Variants in PLEKHA6 observed in about 807,000 individuals in gnomAD.
The protein encoded by PLEKHA6 is pleckstrin homology domain-containing family A member 6.
Under a neutral mutation model 116.7 loss-of-function variants are expected in PLEKHA6, and 60 were observed. The ratio of observed to expected loss-of-function variants is 0.51; its 90% CI spans 0.42 to 0.64. PLEKHA6 has a LOEUF of 0.64. PLEKHA6 is among the 30% of genes least tolerant of loss of function. The pLI is 0.00. For missense variants in PLEKHA6, 1,338 were observed against 1,422.7 expected (o/e 0.94, Z 0.96); for synonymous variants, 489 against 556.1 (o/e 0.88, Z 1.70).
chr1:204,233,191 T>C (rs1013123600), intron 17 of PLEKHA6, among the ~76,000 whole-genome samples: 4 of 148,784 alleles, frequency 2.7e-5, no homozygotes, highest in African/African-American at 9.9e-5. Context: ...CTTTTTCTTT[T>C]TTTTTTTTTG....
chr1:204,311,671 T>G, intron 1 of PLEKHA6: 5 of 972,886 alleles, frequency 5.1e-6, no homozygotes, highest in Non-Finnish European at 6.1e-6. Flanking sequence ...TCATCAACTC[T>G]TTGGAACTGA....
chr1:204,245,626 G>T lies in PLEKHA6; in HGVS notation c.2021C>A (p.Ala674Asp). Reference sequence around the variant, plus strand: ...CAGGAGGCACCCACCTCTGTGCTTGGCGGTGTCCGTGCCCCGGGAGGGGTT... The same window carrying T: ...CAGGAGGCACCCACCTCTGTGCTTGTCGGTGTCCGTGCCCCGGGAGGGGTT... Reference protein sequence around the residue: ...KNNPSRGTDTAKHRGGLGPSA... With the variant: ...KNNPSRGTDTDKHRGGLGPSA... The change falls in exon 14 of 23, where the codon GCC becomes GAC. Residue 674 changes from alanine to aspartate, a missense_variant. Coordinates refer to ENST00000272203, the MANE Select transcript of PLEKHA6 (RefSeq NM_014935.5). The T allele has an allele frequency of 6.2e-7, 1 of 1,607,308 alleles. No homozygotes were observed.
chr1:204,243,254 G>A, intron 15 of PLEKHA6: 1 of 399,800 alleles, frequency 2.5e-6, no homozygotes, highest in Non-Finnish European at 4.4e-6. Context: ...GGCCGAGGCG[G>A]GCCAGGTTCC....
At chr1:204,249,677 C>G (rs941284182) in intron 10 of PLEKHA6, among the ~76,000 whole-genome samples, 2 of 152,152 alleles carry the variant, frequency 1.3e-5, no homozygotes, top group Non-Finnish European at 2.9e-5. Flanking sequence ...TCCCACAGAA[C>G]CTTCTCCCTT....
chr1:204,363,456 G>T (rs184379318), upstream of PLEKHA6, among the ~76,000 whole-genome samples: 1 of 152,214 alleles, frequency 6.6e-6, no homozygotes, highest in East Asian at 1.9e-4. Context: ...TGGAGGAGCC[G>T]CAGGGGCCCA....
At chr1:204,299,939 C>G (rs1353477155) in intron 1 of PLEKHA6, among the ~76,000 whole-genome samples, 2 of 152,112 alleles carry the variant, frequency 1.3e-5, no homozygotes, top group Non-Finnish European at 2.9e-5. Context: ...TGATGGCAGG[C>G]TCCTCACCAC....
chr1:204,318,898 G>A (rs1156652446), intron 1 of PLEKHA6, among the ~76,000 whole-genome samples: 1 of 152,156 alleles, frequency 6.6e-6, no homozygotes, highest in Non-Finnish European at 1.5e-5. Flanking sequence ...CTTGCCAGAG[G>A]CCACTCTATG....
chr1:204,310,686 T>C (rs541215263), intron 1 of PLEKHA6, among the ~76,000 whole-genome samples: 1 of 152,320 alleles, frequency 6.6e-6, no homozygotes, highest in Admixed American at 6.5e-5. Context: ...GCCTTATACG[T>C]AGTAGAGATG....
At chr1:204,346,554 A>C (rs559668928) in intron 1 of PLEKHA6, among the ~76,000 whole-genome samples, 1 of 152,230 alleles carries the variant, frequency 6.6e-6, no homozygotes, top group East Asian at 1.9e-4. Flanking sequence ...CCACACTCAC[A>C]GTTGGGTCAC....
intron 1 of PLEKHA6, among the ~76,000 whole-genome samples, chr1:204,326,443 A>G (rs1343424578): frequency 2.0e-5 from 3 of 152,254 alleles, no homozygotes; most frequent in Non-Finnish European, 4.4e-5. Flanking sequence ...GAGCACAGAT[A>G]GACAGAGGCT....
At chr1:204,289,372 G>T (rs1669516507) in intron 1 of PLEKHA6, among the ~76,000 whole-genome samples, 1 of 152,056 alleles carries the variant, frequency 6.6e-6, no homozygotes, top group African/African-American at 2.4e-5. Context: ...GAGTGATTTG[G>T]CTACTCCTCC....
intron 21 of PLEKHA6, among the ~76,000 whole-genome samples, chr1:204,224,566 T>C (rs941634845): frequency 1.3e-5 from 2 of 152,220 alleles, no homozygotes; most frequent in East Asian, 3.9e-4. Context: ...GTGGCTACTG[T>C]CATTACATAT....
intron 1 of PLEKHA6, among the ~76,000 whole-genome samples, chr1:204,314,602 C>G (rs1201317640): frequency 6.6e-6 from 1 of 152,202 alleles, no homozygotes; most frequent in Non-Finnish European, 1.5e-5. Context: ...ACCTCACTCT[C>G]AGGTGTCAGA....
At chr1:204,250,450 C>A in intron 10 of PLEKHA6, 96 bp downstream of exon 10, 1 of 835,514 alleles carries the variant, frequency 1.2e-6, no homozygotes, top group Non-Finnish European at 2.1e-6. Context: ...AGACAGCCCC[C>A]GCAGAGGAAG....
intron 1 of PLEKHA6, among the ~76,000 whole-genome samples, chr1:204,317,710 C>T (rs959364053): frequency 2.6e-5 from 4 of 152,196 alleles, no homozygotes; most frequent in African/African-American, 9.7e-5. Flanking sequence ...TCCAAATTGG[C>T]ACATGGGAGA....
chr1:204,241,338 C>G (rs778427492), intron 17 of PLEKHA6, 37 bp downstream of exon 17: 5 of 1,361,716 alleles, frequency 3.7e-6, no homozygotes, highest in Non-Finnish European at 5.2e-6. Flanking sequence ...GGCTCGCAGC[C>G]CAGCTCAGGC....
At chr1:204,303,782 C>T (rs747619831) in intron 1 of PLEKHA6, among the ~76,000 whole-genome samples, 5 of 152,150 alleles carry the variant, frequency 3.3e-5, no homozygotes, top group African/African-American at 7.2e-5. Context: ...GGCGCAATCA[C>T]GGCTAACTGC....
At chr1:204,301,591 G>A (rs1670824144) in intron 1 of PLEKHA6, 1 of 379,140 alleles carries the variant, frequency 2.6e-6, no homozygotes, top group African/African-American at 2.2e-5. Flanking sequence ...GCCATTCCCA[G>A]GGGATAAATG....
chr1:204,340,806 AAG>A (rs1424288386), intron 1 of PLEKHA6, among the ~76,000 whole-genome samples: 2 of 152,228 alleles, frequency 1.3e-5, no homozygotes, highest in African/African-American at 4.8e-5. Flanking sequence ...ACAGAAGACA[AAG>A]AGAGGAATCA....
Sources: allele counts gnomAD v4.1 joint callset (sites outside exome capture counted in the v4.1 genomes callset), GRCh38; gene constraint gnomAD v4.1.1; transcripts MANE v1.5; gene names NCBI Gene and HGNC (gene_info 2026-07-23, HGNC 2026-07-21).